The following MTCL1 variants were observed in gnomAD, a reference collection of about 807,000 sequenced individuals.
MTCL1 encodes microtubule crosslinking factor 1, also known as microtubule cross-linking factor 1.
A neutral mutation model predicts 141.4 loss-of-function variants in MTCL1; 79 were observed. The observed-to-expected ratio is 0.56, with a 90% CI of 0.47 to 0.67. The LOEUF (loss-of-function observed/expected upper bound fraction) is 0.67, where lower values mean the gene tolerates loss of function less well. Ranked by LOEUF, MTCL1 falls within the 30% of genes least tolerant of loss-of-function variation. The pLI is 0.00. For synonymous variants in MTCL1, 914 were observed against 875.8 expected, an observed-to-expected ratio of 1.04 and a Z score of -0.77; for missense variants, 2,177 against 2,113.9, an observed-to-expected ratio of 1.03 and a Z score of -0.59.
intron 11 of MTCL1, 114 bp downstream of exon 10, chr18:8,807,174 A>C: frequency 8.8e-7 from 1 of 1,140,258 alleles, no homozygotes; most frequent in Non-Finnish European, 1.2e-6. Flanking sequence ...TGTCCAGGAA[A>C]AAAAGAGAGG....
chr18:8,786,282 C>A (rs1054307768), intron 7 of MTCL1, 191 bp downstream of exon 6: 1 of 729,912 alleles, frequency 1.4e-6, no homozygotes, highest in Non-Finnish European at 2.4e-6. Flanking sequence ...CAGGTGCCTG[C>A]GGTGAACTGC....
intron 11 of MTCL1, among the ~76,000 whole-genome samples, chr18:8,808,743 A>C (rs1434491137): frequency 6.6e-6 from 1 of 152,202 alleles, no homozygotes; most frequent in Non-Finnish European, 1.5e-5. Flanking sequence ...CCTTCAGCAG[A>C]CTCCTAAGTC....
chr18:8,831,985 T>A, exon 17 of MTCL1: 1 of 727,458 alleles, frequency 1.4e-6, no homozygotes. Flanking sequence ...AATGAAACAG[T>A]AAATGTGCCT....
At chr18:8,783,898 A>G (rs747859273) in exon 6 of MTCL1, 2 of 1,613,142 alleles carry the variant, frequency 1.2e-6, no homozygotes, top group African/African-American at 1.3e-5. Context: ...TTCCTACCTC[A>G]CCCTTCGGTG....
At position 8,790,742 on chromosome 18, in the gene MTCL1, C is replaced by T. The variant is rs113022609; in HGVS notation, c.1888-2256C>T. Among the ~76,000 whole-genome samples the T allele has an allele frequency of 1.0e-3, 153 of 152,318 alleles. 1 individual carries two copies. The highest frequency in any genetic ancestry group is 2.0e-3 in the African/African-American group (84 of 41,570). On this transcript the variant is annotated intron_variant, in intron 7 of 16. Coordinates refer to ENST00000359865, the Ensembl canonical transcript of MTCL1. ...GATTTGAGACCCAGAAGGCCAGGCACGGTGGCTCACGCCTGTAATCTCAGC... is the reference window on the plus strand; with the variant it reads ...GATTTGAGACCCAGAAGGCCAGGCATGGTGGCTCACGCCTGTAATCTCAGC...
chr18:8,798,338 G>A (rs1438935444), intron 10 of MTCL1, 47 bp downstream of exon 9: 6 of 1,424,184 alleles, frequency 4.2e-6, no homozygotes, highest in Non-Finnish European at 4.6e-6. Flanking sequence ...ACCAGGGAGA[G>A]GAGGCTCCTA....
chr18:8,777,372 G>A (rs1450454986), intron 4 of MTCL1, among the ~76,000 whole-genome samples: 1 of 152,196 alleles, frequency 6.6e-6, no homozygotes, highest in Non-Finnish European at 1.5e-5. Context: ...GGGATTATAG[G>A]CATGAGCCAC....
intron 13 of MTCL1, among the ~76,000 whole-genome samples, chr18:8,819,808 C>G (rs1003102740): frequency 1.3e-5 from 2 of 152,004 alleles, no homozygotes; most frequent in Admixed American, 6.6e-5. Flanking sequence ...ACAGGGTCTC[C>G]CTATGTTGCC....
rs73398403 is a variant in MTCL1, at chr18:8,795,392, C to T, written c.2011-840C>T. ...GCCTATGGAACACAAAGCTTTGATC[C>T]CATAGTATCACTTTAGCTACTATAA... On this transcript the variant is annotated intron_variant, in intron 8 of 16. Transcript: ENST00000359865. Among the ~76,000 whole-genome samples the T allele has an allele frequency of 9.7e-3, 1,483 of 152,268 alleles. 30 individuals carry two copies. The highest frequency in any genetic ancestry group is 0.034 in the African/African-American group (1,393 of 41,548).
intron 11 of MTCL1, chr18:8,809,703 C>A: frequency 7.6e-7 from 1 of 1,316,428 alleles, no homozygotes. Context: ...GCACCTCGCA[C>A]GGCTGTCAGG....
chr18:8,775,566 C>G (rs551061299), intron 4 of MTCL1, among the ~76,000 whole-genome samples: 1 of 149,804 alleles, frequency 6.7e-6, no homozygotes, highest in African/African-American at 2.4e-5. Flanking sequence ...GAGAAAGATT[C>G]CGTCTCAAAA....
At chr18:8,784,415 G>A in exon 6 of MTCL1, 3 of 1,528,014 alleles carry the variant, frequency 2.0e-6, no homozygotes, top group Non-Finnish European at 8.8e-7. Flanking sequence ...GAAGCCATCG[G>A]AGGCCAGCGA....
At chr18:8,713,781 A>C (rs1309188540), upstream of MTCL1, among the ~76,000 whole-genome samples, 1 of 152,202 alleles carries the variant, frequency 6.6e-6, no homozygotes, top group Admixed American at 6.5e-5. Context: ...TCCTCGTTTT[A>C]AAGATGGGAG....
rs769099487 is a variant in MTCL1 at position 8,784,800 on chromosome 18, C to T, written c.1688C>T (p.Ser563Phe). The T allele has an allele frequency of 5.0e-6, 8 of 1,608,418 alleles. No homozygotes were observed. In the East Asian group the frequency reaches 1.3e-4, roughly 27 times the overall value. The change falls in exon 6 of 17, where the codon TCC becomes TTC. Residue 563 changes from serine (S) to phenylalanine (F), a missense_variant. Physicochemically the swap from Ser to Phe is radical, Grantham distance 155. Coordinates refer to ENST00000359865, the Ensembl canonical transcript of MTCL1. ...ACTGTGACTTCCGTGTCCCGGGACT[C>T]CCCCATCGGGAACCTGGGGAAGGAG... is the stretch of plus-strand genomic sequence containing the variant.
intron 12 of MTCL1, among the ~76,000 whole-genome samples, chr18:8,816,500 A>G (rs2076659760): frequency 1.3e-5 from 2 of 152,152 alleles, no homozygotes; most frequent in South Asian, 2.1e-4. Flanking sequence ...TCTCAATCCA[A>G]GTTTGATTGC....
intron 12 of MTCL1, among the ~76,000 whole-genome samples, chr18:8,818,343 G>A (rs540297006): frequency 6.6e-6 from 1 of 151,240 alleles, no homozygotes; most frequent in Non-Finnish European, 1.5e-5. Flanking sequence ...AACGTAATGT[G>A]GCTTTTTTTT....
At chr18:8,793,200 A>C (rs909258903) in intron 8 of MTCL1, 80 bp downstream of exon 7, 1 of 1,576,016 alleles carries the variant, frequency 6.3e-7, no homozygotes, top group Non-Finnish European at 8.6e-7. Context: ...ATACATTTTC[A>C]AAGAAGGCTG....
chr18:8,824,319 C>T lies in MTCL1; in HGVS notation c.3189-380C>T, dbSNP rs571658374. ...TGGCAGCTTGCCAAAACCTGGCCAT[C>T]GCCGTGGCTCACCGTCTTCACCCTT... On this transcript the variant is annotated intron_variant, in intron 14 of 16. Coordinates refer to ENST00000359865, the Ensembl canonical transcript of MTCL1. Among the ~76,000 whole-genome samples, 39 of 152,348 alleles carry T rather than the reference C, an allele frequency of 2.6e-4. 1 individual carries two copies. Among genetic ancestry groups the T allele is most frequent in the African/African-American group, 8.2e-4 (34 of 41,584 alleles).
upstream of MTCL1, among the ~76,000 whole-genome samples, chr18:8,715,386 A>G (rs1030784040): frequency 1.3e-5 from 2 of 152,216 alleles, no homozygotes; most frequent in African/African-American, 4.8e-5. Context: ...CGATAATCCC[A>G]GGCATTAATG....
Sources: gnomAD v4.1 joint callset for allele counts (sites outside exome capture counted in the v4.1 genomes callset) on GRCh38, gnomAD v4.1.1 for gene constraint, MANE v1.5 for transcripts, NCBI Gene and HGNC (gene_info 2026-07-23, HGNC 2026-07-21) for gene names.